PTPRD: variants seen among roughly 807,000 people sequenced by gnomAD.
PTPRD encodes the protein protein tyrosine phosphatase receptor type D, also known as receptor-type tyrosine-protein phosphatase delta.
A neutral mutation model predicts 214.5 loss-of-function variants in PTPRD; 34 were observed. That is an observed-to-expected ratio of 0.16 (90% CI 0.12 to 0.21). The LOEUF (loss-of-function observed/expected upper bound fraction) is 0.21. PTPRD is among the 10% of genes least tolerant of loss of function. The pLI is 1.00. For missense variants in PTPRD, 2,545 were observed against 2,398.7 expected, an observed-to-expected ratio of 1.06 and a Z score of -1.27; for synonymous variants, 1,128 against 845.7, an observed-to-expected ratio of 1.33 and a Z score of -5.79.
chr9:10,419,730 C>T (rs2098528566), intron 2 of PTPRD, among the ~76,000 whole-genome samples: 1 of 151,696 alleles, frequency 6.6e-6, no homozygotes, highest in Non-Finnish European at 1.5e-5. Flanking sequence ...AAAGATTCTG[C>T]TATGCCATTT....
chr9:9,575,081 T>C (rs1023357857), intron 7 of PTPRD, among the ~76,000 whole-genome samples: 1 of 152,160 alleles, frequency 6.6e-6, no homozygotes, highest in African/African-American at 2.4e-5. Context: ...GCAAGCTTAA[T>C]GTATTTTGCT....
intron 20 of PTPRD, among the ~76,000 whole-genome samples, chr9:8,520,260 C>T (rs542213878): frequency 6.6e-6 from 1 of 152,220 alleles, no homozygotes; most frequent in Admixed American, 6.5e-5. Flanking sequence ...TAAGGTTACA[C>T]AATATAACAT....
At chr9:10,547,678 T>C (rs993992764) in intron 2 of PTPRD, among the ~76,000 whole-genome samples, 2 of 151,824 alleles carry the variant, frequency 1.3e-5, no homozygotes, top group East Asian at 1.9e-4. Context: ...ACTGTAGACA[T>C]AACAAACATA....
chr9:8,613,068 T>A (rs2095504322), intron 14 of PTPRD, among the ~76,000 whole-genome samples: 1 of 152,210 alleles, frequency 6.6e-6, no homozygotes, highest in Admixed American at 6.5e-5. Context: ...TAACATTTAT[T>A]CATTAGTAAA....
At chr9:8,848,671 G>A (rs1311973374) in intron 11 of PTPRD, among the ~76,000 whole-genome samples, 6 of 151,930 alleles carry the variant, frequency 3.9e-5, no homozygotes, top group Non-Finnish European at 8.8e-5. Flanking sequence ...CCTGGACGAT[G>A]TGAGATAAAT....
chr9:10,133,689 C>T (rs1425069581), intron 3 of PTPRD, among the ~76,000 whole-genome samples: 2 of 151,746 alleles, frequency 1.3e-5, no homozygotes, highest in Non-Finnish European at 2.9e-5. Context: ...ATATGTTCAC[C>T]AATAGATAGT....
At chr9:9,490,762 C>G (rs1279701152) in intron 8 of PTPRD, among the ~76,000 whole-genome samples, 2 of 151,454 alleles carry the variant, frequency 1.3e-5, no homozygotes, top group Non-Finnish European at 3.0e-5. Flanking sequence ...AAACATTTCA[C>G]TACAAAAAAT....
At chr9:9,977,238 T>C (rs116076692) in intron 4 of PTPRD, among the ~76,000 whole-genome samples, 30 of 152,288 alleles carry the variant, frequency 2.0e-4, no homozygotes, top group African/African-American at 6.7e-4. Flanking sequence ...CTGGGAGGTC[T>C]AAAGTAGAAC....
At chr9:9,256,966 C>T (rs1028977989) in intron 9 of PTPRD, among the ~76,000 whole-genome samples, 1 of 152,036 alleles carries the variant, frequency 6.6e-6, no homozygotes, top group Non-Finnish European at 1.5e-5. Context: ...TTTATTCTTG[C>T]TCATGCCCCA....
At chr9:9,810,397 T>C (rs981210529) in intron 5 of PTPRD, among the ~76,000 whole-genome samples, 11 of 152,194 alleles carry the variant, frequency 7.2e-5, no homozygotes, top group Admixed American at 2.6e-4. Flanking sequence ...AGGACTGGTT[T>C]ACTCTCTTGT....
intron 9 of PTPRD, among the ~76,000 whole-genome samples, chr9:9,357,632 G>A (rs979618610): frequency 1.3e-5 from 2 of 150,866 alleles, no homozygotes; most frequent in Admixed American, 1.3e-4. Flanking sequence ...GAAGCAAAGT[G>A]ATTAAATATA....
At chr9:10,516,850 G>A (rs781092618) in intron 2 of PTPRD, among the ~76,000 whole-genome samples, 44 of 151,834 alleles carry the variant, frequency 2.9e-4, no homozygotes, top group Admixed American at 6.6e-4. Flanking sequence ...AATCTTGTAT[G>A]CTTGGTAACC....
At chr9:9,958,063 T>C (rs2094078950) in intron 4 of PTPRD, among the ~76,000 whole-genome samples, 1 of 152,164 alleles carries the variant, frequency 6.6e-6, no homozygotes, top group Non-Finnish European at 1.5e-5. Context: ...GCTTACACCT[T>C]TCATAAAGCA....
At chr9:9,506,152 T>C (rs2096565283) in intron 8 of PTPRD, among the ~76,000 whole-genome samples, 1 of 151,514 alleles carries the variant, frequency 6.6e-6, no homozygotes, top group African/African-American at 2.4e-5. Flanking sequence ...ACATTTCAAA[T>C]AGTCTATAGT....
intron 15 of PTPRD, 38 bp downstream of exon 15, chr9:8,528,553 T>C (rs1242020306): frequency 6.5e-7 from 1 of 1,528,124 alleles, no homozygotes. Flanking sequence ...AAAAAAAAAA[T>C]TCTCTAGGAG....
chr9:9,482,378 T>A (rs1005752476), intron 8 of PTPRD, among the ~76,000 whole-genome samples: 1 of 152,170 alleles, frequency 6.6e-6, no homozygotes, highest in Non-Finnish European at 1.5e-5. Context: ...GTTTAAAAAA[T>A]TAATGAGCTT....
intron 8 of PTPRD, among the ~76,000 whole-genome samples, chr9:9,570,268 T>A (rs1049577859): frequency 4.6e-5 from 7 of 151,584 alleles, no homozygotes; most frequent in African/African-American, 1.4e-4. Flanking sequence ...TTCTATTGCA[T>A]AATTCAGTAT....
chr9:9,482,795 A>G (rs1324501358), intron 8 of PTPRD, among the ~76,000 whole-genome samples: 2 of 152,200 alleles, frequency 1.3e-5, no homozygotes, highest in African/African-American at 4.8e-5. Context: ...TCCTTAGGGC[A>G]GCATTTTGTT....
intron 9 of PTPRD, among the ~76,000 whole-genome samples, chr9:9,380,115 T>C (rs1000733109): frequency 6.6e-6 from 1 of 152,046 alleles, no homozygotes; most frequent in Non-Finnish European, 1.5e-5. Flanking sequence ...GTCTTACCAT[T>C]AAGTTTGAAG....
Sources: allele counts gnomAD v4.1 joint callset (sites outside exome capture counted in the v4.1 genomes callset), GRCh38; gene constraint gnomAD v4.1.1; transcripts MANE v1.5; gene names NCBI Gene and HGNC (gene_info 2026-07-23, HGNC 2026-07-21).